Variants in OPCML observed in about 807,000 individuals in gnomAD.
The protein encoded by OPCML is opioid binding protein/cell adhesion molecule like, also known as opioid-binding protein/cell adhesion molecule.
OPCML carries 13 observed loss-of-function variants against 37.8 expected under a neutral mutation model. That is an observed-to-expected ratio of 0.34 (90% CI 0.22 to 0.55). The LOEUF (loss-of-function observed/expected upper bound fraction) is 0.55. Ranked by LOEUF, OPCML falls within the 20% of genes least tolerant of loss-of-function variation. The probability of loss-of-function intolerance (pLI) is 0.91; values close to 1 mark genes in which losing one functional copy is unlikely to be tolerated. For synonymous variants in OPCML, 176 were observed against 168.8 expected, an observed-to-expected ratio of 1.04 and a Z score of -0.33; for missense variants, 341 against 435.6, an observed-to-expected ratio of 0.78 and a Z score of 1.93.
At chr11:133,149,736 T>C (rs1418517341) in intron 1 of OPCML, among the ~76,000 whole-genome samples, 1 of 152,250 alleles carries the variant, frequency 6.6e-6, no homozygotes, top group Non-Finnish European at 1.5e-5. Context: ...ATGTGGTGTC[T>C]GGCTGACCGT....
At chr11:132,679,542 A>G (rs1293093582) in intron 2 of OPCML, among the ~76,000 whole-genome samples, 1 of 152,250 alleles carries the variant, frequency 6.6e-6, no homozygotes, top group Non-Finnish European at 1.5e-5. Context: ...GAACAGGCAA[A>G]TCTAAAAAGA....
chr11:133,004,867 C>T (rs1007030969), intron 1 of OPCML: 25 of 985,432 alleles, frequency 2.5e-5, no homozygotes, highest in African/African-American at 1.9e-4. Context: ...CAGAAATCAA[C>T]GAGCTGTGGT....
chr11:133,385,843 GAGA>G (rs1303926266), intron 1 of OPCML, among the ~76,000 whole-genome samples: 2 of 152,160 alleles, frequency 1.3e-5, no homozygotes, highest in Non-Finnish European at 2.9e-5. Flanking sequence ...AGAGAGGATG[GAGA>G]AGAAGCTGGA....
intron 2 of OPCML, among the ~76,000 whole-genome samples, chr11:132,695,042 C>A (rs1397843186): frequency 6.6e-6 from 1 of 152,218 alleles, no homozygotes; most frequent in African/African-American, 2.4e-5. Flanking sequence ...TGGGTTCAAA[C>A]ACAGCATGTG....
intron 4 of OPCML, among the ~76,000 whole-genome samples, chr11:132,500,908 T>C (rs996401112): frequency 5.3e-5 from 8 of 152,246 alleles, no homozygotes; most frequent in Non-Finnish European, 1.2e-4. Context: ...GGCTGCATAG[T>C]ATTCCGTGGT....
intron 1 of OPCML, among the ~76,000 whole-genome samples, chr11:133,461,736 C>T (rs1946864728): frequency 1.3e-5 from 2 of 151,888 alleles, no homozygotes; most frequent in Non-Finnish European, 2.9e-5. Flanking sequence ...TCAGTACAAT[C>T]TCTACCATAA....
chr11:132,707,759 G>A (rs560954786), intron 2 of OPCML, among the ~76,000 whole-genome samples: 145 of 152,242 alleles, frequency 9.5e-4, no homozygotes, highest in African/African-American at 3.4e-3. Flanking sequence ...CAAACATATT[G>A]CCCAGTAACT....
chr11:133,021,846 A>G (rs1947462363), intron 1 of OPCML, among the ~76,000 whole-genome samples: 1 of 152,220 alleles, frequency 6.6e-6, no homozygotes, highest in Non-Finnish European at 1.5e-5. Context: ...TTTAAGCTCC[A>G]CTTGCCTGTG....
At chr11:133,357,256 C>G (rs1034148912) in intron 1 of OPCML, among the ~76,000 whole-genome samples, 1 of 152,180 alleles carries the variant, frequency 6.6e-6, no homozygotes, top group African/African-American at 2.4e-5. Context: ...ACACTTTGAC[C>G]AGGGTTCAAA....
At chr11:133,112,129 G>A (rs531095819) in intron 1 of OPCML, among the ~76,000 whole-genome samples, 1 of 152,002 alleles carries the variant, frequency 6.6e-6, no homozygotes, top group East Asian at 1.9e-4. Context: ...TGGATATGGT[G>A]ACAGGCAGCT....
At chr11:133,442,570 T>C (rs976404513) in intron 1 of OPCML, among the ~76,000 whole-genome samples, 2 of 152,114 alleles carry the variant, frequency 1.3e-5, no homozygotes, top group East Asian at 3.8e-4. Context: ...GTGAAACAAT[T>C]TGGGGAAAAT....
intron 2 of OPCML, among the ~76,000 whole-genome samples, chr11:132,757,415 C>T (rs1946092608): frequency 6.6e-6 from 1 of 152,200 alleles, no homozygotes; most frequent in Admixed American, 6.5e-5. Flanking sequence ...ACAGTCCCAC[C>T]AACATTGTAA....
At chr11:133,252,218 T>A (rs1377691633) in intron 1 of OPCML, among the ~76,000 whole-genome samples, 1 of 152,186 alleles carries the variant, frequency 6.6e-6, no homozygotes, top group Non-Finnish European at 1.5e-5. Flanking sequence ...TACATACATA[T>A]TCTTTATTAA....
At chr11:133,214,453 C>G (rs1222643973) in intron 1 of OPCML, among the ~76,000 whole-genome samples, 1 of 152,116 alleles carries the variant, frequency 6.6e-6, no homozygotes, top group Admixed American at 6.5e-5. Flanking sequence ...TTAGCTTTCA[C>G]TGAAACTCTA....
At chr11:132,728,789 C>T (rs1591526359) in intron 2 of OPCML, among the ~76,000 whole-genome samples, 1 of 152,264 alleles carries the variant, frequency 6.6e-6, no homozygotes, top group South Asian at 2.1e-4. Context: ...GTAGACATTC[C>T]TGATGCCATG....
chr11:132,485,237 T>C (rs78220703), intron 4 of OPCML, among the ~76,000 whole-genome samples: 9,130 of 152,230 alleles, frequency 0.06, 368 homozygotes, highest in Middle Eastern at 0.11. Flanking sequence ...AGCAAGTTAC[T>C]TTGTATTGCA....
At chr11:133,005,112 G>T in intron 1 of OPCML, 1 of 985,246 alleles carries the variant, frequency 1.0e-6, no homozygotes, top group Non-Finnish European at 1.2e-6. Context: ...AGTTTAGAAT[G>T]AAATCCAAAC....
chr11:133,315,286 T>G (rs1206984376), intron 1 of OPCML, among the ~76,000 whole-genome samples: 2 of 152,204 alleles, frequency 1.3e-5, no homozygotes, highest in East Asian at 3.8e-4. Flanking sequence ...ATATTATTCT[T>G]GTGATATTAC....
chr11:133,532,442 G>T lies in OPCML; in HGVS notation c.-118C>A. The T allele has an allele frequency of 7.9e-7, 1 of 1,272,900 alleles. No homozygotes were observed. The highest frequency in any genetic ancestry group is 1.1e-6 in the Non-Finnish European group (1 of 900,156). 78.9% of individuals were successfully genotyped at this position (1,272,900 alleles called of 1,614,324 possible). ...TTTAAATCCAATGTTTGCAAAGGGA[G>T]GGAGAGAGCAGAAGAGAGAGAGAGC... is the stretch of plus-strand genomic sequence containing the variant. On this transcript the variant is annotated 5_prime_UTR_variant, in exon 1 of 8. Coordinates refer to ENST00000524381, the MANE Select transcript of OPCML (RefSeq NM_001012393.5).
Sources: gnomAD v4.1 joint callset for allele counts (sites outside exome capture counted in the v4.1 genomes callset) on GRCh38, gnomAD v4.1.1 for gene constraint, MANE v1.5 for transcripts, NCBI Gene and HGNC (gene_info 2026-07-23, HGNC 2026-07-21) for gene names.